SLC44A5: variants seen among roughly 807,000 people sequenced by gnomAD.
The protein encoded by SLC44A5 is solute carrier family 44 member 5.
Under a neutral mutation model 101.8 loss-of-function variants are expected in SLC44A5, and 57 were observed. The observed-to-expected ratio is 0.56, with a 90% CI of 0.45 to 0.70. The LOEUF is 0.70. SLC44A5 is among the 30% of genes least tolerant of loss of function. The pLI is 0.00. For missense variants in SLC44A5, 737 were observed against 853.1 expected (o/e 0.86, Z 1.70); for synonymous variants, 281 against 290.9 (o/e 0.97, Z 0.35).
In SLC44A5 at chr1:75,211,497, A is replaced by G. The variant is rs547523423; in HGVS notation, c.2018T>C (p.Met673Thr). ...IAHGFFSVYA[M>T]CVETIFICFL... ...GCAGATGAAAATTGTTTCAACACAC[A>G]TTGCATAGACGCTGAAGAACCCATG... is the stretch of plus-strand genomic sequence containing the variant. Residue 673 changes from methionine to threonine, a missense_variant, in exon 23 of 24, where the codon ATG becomes ACG. Met to Thr is a moderately conservative substitution (Grantham distance 81). Coordinates refer to ENST00000370859, the MANE Select transcript of SLC44A5 (RefSeq NM_001130058.2). 2.2e-5 allele frequency: 36 copies of G among 1,612,800 alleles called. 1 individual carries two copies. In the South Asian group the frequency reaches 3.1e-4, roughly 14 times the overall value.
At chr1:75,444,483 G>GAAGA (rs369997923) in intron 2 of SLC44A5, among the ~76,000 whole-genome samples, 3,184 of 140,708 alleles carry the variant, frequency 0.023, 51 homozygotes, top group South Asian at 0.034. Flanking sequence ...GAGAAAGAAA[G>GAAGA]AAGAAAGAAA....
intron 6 of SLC44A5, among the ~76,000 whole-genome samples, chr1:75,251,548 A>G (rs1010494761): frequency 1.3e-5 from 2 of 152,174 alleles, no homozygotes; most frequent in Admixed American, 1.3e-4. Flanking sequence ...AAGGTAGAAC[A>G]TTACATTGCC....
At chr1:75,492,552 A>G (rs1668478727) in intron 2 of SLC44A5, among the ~76,000 whole-genome samples, 1 of 152,226 alleles carries the variant, frequency 6.6e-6, no homozygotes, top group South Asian at 2.1e-4. Context: ...TAAGGAAGAT[A>G]TACACTGCTA....
At chr1:75,376,374 C>T (rs572148112) in intron 3 of SLC44A5, among the ~76,000 whole-genome samples, 32 of 152,206 alleles carry the variant, frequency 2.1e-4, no homozygotes, top group Admixed American at 3.3e-4. Flanking sequence ...AGGCTCCACC[C>T]CTGGGGGCAG....
chr1:75,699,860 T>C, the SLC44A5 span, among the ~76,000 whole-genome samples: 8 of 152,120 alleles, frequency 5.3e-5, no homozygotes, highest in South Asian at 1.0e-3. Flanking sequence ...GCAATCCTAG[T>C]CTCTGATAAA....
intron 2 of SLC44A5, among the ~76,000 whole-genome samples, chr1:75,524,363 C>T (rs1670303781): frequency 6.6e-6 from 1 of 152,080 alleles, no homozygotes; most frequent in African/African-American, 2.4e-5. Flanking sequence ...ATTACCCAGT[C>T]GCAGGTAGTT....
At chr1:75,234,172 T>C (rs1327877195) in intron 11 of SLC44A5, 74 bp from the exon 12 acceptor site, 1 of 944,174 alleles carries the variant, frequency 1.1e-6, no homozygotes, top group Non-Finnish European at 1.7e-6. Flanking sequence ...AAGACAAAAC[T>C]TTTTTTCTAT....
intron 2 of SLC44A5, among the ~76,000 whole-genome samples, chr1:75,416,062 T>C (rs1454211692): frequency 6.6e-6 from 1 of 152,160 alleles, no homozygotes; most frequent in African/African-American, 2.4e-5. Context: ...GCATAAGTAA[T>C]GAGGAGCTGA....
At chr1:75,432,129 C>A (rs920576281) in intron 2 of SLC44A5, among the ~76,000 whole-genome samples, 10 of 152,144 alleles carry the variant, frequency 6.6e-5, no homozygotes, top group African/African-American at 2.4e-4. Flanking sequence ...CAACTTTGAT[C>A]TCTCCTCAAT....
At chr1:75,329,476 C>G (rs1293837128) in intron 4 of SLC44A5, among the ~76,000 whole-genome samples, 1 of 151,396 alleles carries the variant, frequency 6.6e-6, no homozygotes, top group South Asian at 2.1e-4. Context: ...AATAATTATT[C>G]ATTTTACTCT....
At chr1:75,682,852 C>T in the SLC44A5 span, among the ~76,000 whole-genome samples, 3 of 152,174 alleles carry the variant, frequency 2.0e-5, no homozygotes, top group Admixed American at 6.5e-5. Context: ...TCGCAACCTA[C>T]TCATCTGTCA....
At chr1:75,547,421 C>T (rs951234187) in intron 1 of SLC44A5, among the ~76,000 whole-genome samples, 1 of 152,150 alleles carries the variant, frequency 6.6e-6, no homozygotes, top group African/African-American at 2.4e-5. Flanking sequence ...AACTGAGATC[C>T]TGAAGCATTT....
chr1:75,279,992 A>C (rs1652271717), intron 5 of SLC44A5, among the ~76,000 whole-genome samples: 1 of 149,972 alleles, frequency 6.7e-6, no homozygotes, highest in Non-Finnish European at 1.5e-5. Context: ...ATAAGCGAGA[A>C]TATACGATGT....
At chr1:75,268,233 T>C (rs1479075086) in intron 6 of SLC44A5, among the ~76,000 whole-genome samples, 1 of 152,154 alleles carries the variant, frequency 6.6e-6, no homozygotes, top group Non-Finnish European at 1.5e-5. Context: ...TGCCTCTGGC[T>C]TGAGTGCTCT....
At chr1:75,610,136 TACACACACAC>T (rs144198306) in intron 1 of SLC44A5, among the ~76,000 whole-genome samples, 6 of 144,232 alleles carry the variant, frequency 4.2e-5, no homozygotes, top group Admixed American at 2.1e-4. Flanking sequence ...AGTCAAGAAA[TACACACACAC>T]ACACACACAC....
At chr1:75,251,175 G>A (rs756096460) in intron 7 of SLC44A5, 35 bp downstream of exon 7, 6 of 1,485,676 alleles carry the variant, frequency 4.0e-6, no homozygotes, top group Non-Finnish European at 4.7e-6. Flanking sequence ...TGTTCAGAAC[G>A]GCTGACACTA....
rs1032872218 is a variant in SLC44A5 at position 75,262,664 on chromosome 1, G to T, written c.261-11370C>A. ...TTCATATGGAACCAAAAAAGAGCCC[G>T]CATTGCCAAGACAATCCTAAGCCAA... On this transcript the variant is annotated intron_variant, in intron 6 of 23. Transcript: ENST00000370859. 5.3e-5 allele frequency among the ~76,000 whole-genome samples: 8 copies of T among 151,996 alleles called. No individual in the cohort carries two copies. The East Asian group carries it at 1.5e-3, about 29-fold the overall frequency.
At chr1:75,358,640 C>T (rs757233446) in intron 3 of SLC44A5, among the ~76,000 whole-genome samples, 1 of 152,072 alleles carries the variant, frequency 6.6e-6, no homozygotes, top group Non-Finnish European at 1.5e-5. Flanking sequence ...GTATTATTAA[C>T]TGTAGTCACC....
intron 1 of SLC44A5, among the ~76,000 whole-genome samples, chr1:75,544,298 C>G (rs1671524295): frequency 6.6e-6 from 1 of 152,168 alleles, no homozygotes. Context: ...AATGCAGCCT[C>G]TCGATCTTAG....
Sources: gnomAD v4.1 joint callset for allele counts (sites outside exome capture counted in the v4.1 genomes callset) on GRCh38, gnomAD v4.1.1 for gene constraint, MANE v1.5 for transcripts, NCBI Gene and HGNC (gene_info 2026-07-23, HGNC 2026-07-21) for gene names.